Variants in ITGA1 observed in about 807,000 individuals in gnomAD.
ITGA1 encodes integrin alpha-1.
ITGA1 carries 85 observed loss-of-function variants against 145.9 expected under a neutral mutation model. The ratio of observed to expected loss-of-function variants is 0.58; its 90% CI spans 0.49 to 0.70. The LOEUF (loss-of-function observed/expected upper bound fraction) is 0.70, where lower values mean the gene tolerates loss of function less well. Ranked by LOEUF, ITGA1 falls within the 30% of genes least tolerant of loss-of-function variation. The probability of loss-of-function intolerance (pLI) is 0.00; values close to 1 mark genes in which losing one functional copy is unlikely to be tolerated. For synonymous variants in ITGA1, 520 were observed against 495.3 expected (o/e 1.05, Z -0.66); for missense variants, 1,351 against 1,418.7 (o/e 0.95, Z 0.77).
intron 23 of ITGA1, among the ~76,000 whole-genome samples, chr5:52,935,631 C>T (rs1369356929): frequency 6.6e-6 from 1 of 151,976 alleles, no homozygotes; most frequent in Non-Finnish European, 1.5e-5. Context: ...AGCAATAATG[C>T]ATATAAGAAG....
chr5:52,805,222 C>T (rs1445398138), intron 1 of ITGA1, among the ~76,000 whole-genome samples: 1 of 152,062 alleles, frequency 6.6e-6, no homozygotes, highest in African/African-American at 2.4e-5. Context: ...TAAGAACCTC[C>T]GTGCTACAAG....
chr5:52,835,008 A>G (rs1422026501), intron 1 of ITGA1, among the ~76,000 whole-genome samples: 1 of 152,190 alleles, frequency 6.6e-6, no homozygotes, highest in Non-Finnish European at 1.5e-5. Flanking sequence ...AGGACGTAAA[A>G]GGCATTCTGA....
At chr5:52,832,837 G>T (rs1468284030) in intron 1 of ITGA1, among the ~76,000 whole-genome samples, 2 of 141,042 alleles carry the variant, frequency 1.4e-5, no homozygotes, top group Non-Finnish European at 3.0e-5. Context: ...TCTCAAAAGA[G>T]TTTTTTTTTG....
chr5:52,831,284 C>G (rs1424867665), intron 1 of ITGA1, among the ~76,000 whole-genome samples: 2 of 152,020 alleles, frequency 1.3e-5, no homozygotes, highest in Non-Finnish European at 2.9e-5. Flanking sequence ...AGACGTGCAC[C>G]ACCACACCTC....
At chr5:52,815,654 T>C (rs1462164916) in intron 1 of ITGA1, among the ~76,000 whole-genome samples, 1 of 152,184 alleles carries the variant, frequency 6.6e-6, no homozygotes. Flanking sequence ...TTCCCTATGT[T>C]TGGAAAACAC....
chr5:52,908,890 T>C lies in ITGA1; in HGVS notation c.1456-8T>C, dbSNP rs1337756420. The C allele has an allele frequency of 6.2e-7, 1 of 1,612,332 alleles. No homozygotes were observed. Among genetic ancestry groups the C allele is most frequent in the Non-Finnish European group, 8.5e-7 (1 of 1,179,310 alleles). On this transcript the variant is annotated splice_region_variant and splice_polypyrimidine_tract_variant and intron_variant, in intron 12 of 28. Transcript: ENST00000282588. ...CATTGGGCTGTTTTGTTTCATTTTG[T>C]GTCCTAGATTGGTTCCTACTTTGGC...
At chr5:52,869,539 GTGTC>G (rs1435855053) in intron 6 of ITGA1, among the ~76,000 whole-genome samples, 3 of 152,152 alleles carry the variant, frequency 2.0e-5, no homozygotes, top group South Asian at 2.1e-4. Context: ...GCGTGAGTGT[GTGTC>G]TGTCTATCTG....
At chr5:52,840,851 C>A (rs144549423) in intron 1 of ITGA1, among the ~76,000 whole-genome samples, 6 of 152,152 alleles carry the variant, frequency 3.9e-5, no homozygotes, top group Non-Finnish European at 7.4e-5. Context: ...TCCATCCTGT[C>A]CCATTTAACA....
At chr5:52,821,279 G>A (rs1748874967) in intron 1 of ITGA1, among the ~76,000 whole-genome samples, 1 of 152,138 alleles carries the variant, frequency 6.6e-6, no homozygotes, top group African/African-American at 2.4e-5. Flanking sequence ...GTTTCTCAAA[G>A]TTATCTCCAG....
chr5:52,867,069 T>G (rs568570031), intron 6 of ITGA1: 1 of 151,742 alleles, frequency 6.6e-6, no homozygotes, highest in South Asian at 2.1e-4. Context: ...TCTGAGGCAC[T>G]GAAAAAGCAG....
intron 15 of ITGA1, among the ~76,000 whole-genome samples, chr5:52,917,401 C>A (rs1475404054): frequency 6.6e-6 from 1 of 152,130 alleles, no homozygotes; most frequent in Middle Eastern, 3.2e-3. Flanking sequence ...TCTAGAAGTA[C>A]AATTAAAGGT....
At chr5:52,911,881 C>G (rs1218469277) in intron 14 of ITGA1, among the ~76,000 whole-genome samples, 1 of 125,572 alleles carries the variant, frequency 8.0e-6, no homozygotes, top group African/African-American at 3.0e-5. Flanking sequence ...TATAGATACA[C>G]TATATATAGC....
At chr5:52,874,337 T>C (rs1253943250) in intron 6 of ITGA1, among the ~76,000 whole-genome samples, 2 of 151,496 alleles carry the variant, frequency 1.3e-5, no homozygotes, top group Non-Finnish European at 2.9e-5. Context: ...TCTTTTTGCC[T>C]CTTAAAGGCA....
At chr5:52,924,519 G>A (rs768346567) in intron 18 of ITGA1, among the ~76,000 whole-genome samples, 2 of 152,372 alleles carry the variant, frequency 1.3e-5, no homozygotes, top group East Asian at 1.9e-4. Context: ...GCAGGGGCCG[G>A]GTCATTCGGG....
intron 1 of ITGA1, among the ~76,000 whole-genome samples, chr5:52,820,461 A>G (rs1470013465): frequency 2.0e-5 from 3 of 150,820 alleles, no homozygotes; most frequent in Middle Eastern, 3.2e-3. Flanking sequence ...AACATGGCAC[A>G]TGTATACATA....
In ITGA1 at chr5:52,953,255, A is replaced by G. The variant is rs942090812; in HGVS notation, c.*804A>G. 38 of 152,234 alleles carry G rather than the reference A, an allele frequency of 2.5e-4. No homozygotes were observed. The highest frequency in any genetic ancestry group is 8.9e-4 in the African/African-American group (37 of 41,464). 9.4% of individuals were successfully genotyped at this position (152,234 alleles called of 1,614,324 possible). ...TTGTGTGGCATCACAGTGATTTGTC[A>G]TGAAAAGCCATATATGGGGGACATG... is the stretch of plus-strand genomic sequence containing the variant. On this transcript the variant is annotated 3_prime_UTR_variant, in exon 29 of 29. Transcript: ENST00000282588.
chr5:52,847,728 TATTTTTAGTAG>T (rs747046914), intron 1 of ITGA1, among the ~76,000 whole-genome samples: 181 of 152,292 alleles, frequency 1.2e-3, no homozygotes, highest in Non-Finnish European at 1.6e-3. Flanking sequence ...AATATTTGTA[TATTTTTAGTAG>T]AGATGGGATT....
intron 6 of ITGA1, among the ~76,000 whole-genome samples, chr5:52,867,932 C>A (rs1450201771): frequency 6.6e-6 from 1 of 151,936 alleles, no homozygotes; most frequent in East Asian, 1.9e-4. Flanking sequence ...GATTTCAATC[C>A]TTTTCTATTT....
intron 2 of ITGA1, among the ~76,000 whole-genome samples, chr5:52,858,455 C>G (rs1749550287): frequency 6.6e-6 from 1 of 152,210 alleles, no homozygotes; most frequent in Non-Finnish European, 1.5e-5. Flanking sequence ...GCTTCTCTCT[C>G]TAAGTTATAA....
Sources: gnomAD v4.1 joint callset for allele counts (sites outside exome capture counted in the v4.1 genomes callset) on GRCh38, gnomAD v4.1.1 for gene constraint, MANE v1.5 for transcripts, NCBI Gene and HGNC (gene_info 2026-07-23, HGNC 2026-07-21) for gene names.